The following LGSN variants were observed in gnomAD, a reference collection of about 807,000 sequenced individuals.
LGSN encodes the protein lengsin.
In LGSN, 21 loss-of-function variants were observed where a neutral mutation model predicts 19.5. That is an observed-to-expected ratio of 1.07 (90% confidence interval 0.76 to 1.55). The LOEUF (loss-of-function observed/expected upper bound fraction) is 1.55, where lower values mean the gene tolerates loss of function less well. Ranked by LOEUF, LGSN falls within the 40% of genes most tolerant of loss-of-function variation. The pLI, the probability that LGSN is intolerant of heterozygous loss-of-function variation, is 0.00. For missense variants in LGSN, 673 were observed against 608.5 expected (o/e 1.11, Z -1.12); for synonymous variants, 257 against 215.6 (o/e 1.19, Z -1.68).
At chr6:63,482,841 T>C in the LGSN span, among the ~76,000 whole-genome samples, 2 of 152,178 alleles carry the variant, frequency 1.3e-5, no homozygotes, top group Non-Finnish European at 2.9e-5. Context: ...GCTGGGACTA[T>C]AGGCGCGCAC....
chr6:63,543,878 T>C, the LGSN span, among the ~76,000 whole-genome samples: 1 of 152,250 alleles, frequency 6.6e-6, no homozygotes, highest in Non-Finnish European at 1.5e-5. Flanking sequence ...TTACTCTTCG[T>C]GTTTATTTGT....
At chr6:63,546,601 G>A in the LGSN span, among the ~76,000 whole-genome samples, 1 of 152,078 alleles carries the variant, frequency 6.6e-6, no homozygotes. Context: ...AGCTACTTGG[G>A]AGGCTGAGGC....
At chr6:63,527,728 T>C in the LGSN span, 1 of 152,172 alleles carries the variant, frequency 6.6e-6, no homozygotes, top group Non-Finnish European at 1.5e-5. Context: ...CTCTTTCACA[T>C]ACATTGCATG....
At chr6:63,313,281 G>A (rs1237335609) in intron 1 of LGSN, among the ~76,000 whole-genome samples, 1 of 152,112 alleles carries the variant, frequency 6.6e-6, no homozygotes, top group African/African-American at 2.4e-5. Flanking sequence ...TGCAACCCAA[G>A]TCACTGGAGG....
chr6:63,424,642 G>C, the LGSN span, among the ~76,000 whole-genome samples: 2 of 152,060 alleles, frequency 1.3e-5, no homozygotes, highest in African/African-American at 4.8e-5. Flanking sequence ...ACCAGTAAAA[G>C]CCAGGCACAG....
chr6:63,422,102 C>T, the LGSN span, among the ~76,000 whole-genome samples: 12 of 152,110 alleles, frequency 7.9e-5, no homozygotes, highest in Admixed American at 3.9e-4. Flanking sequence ...CTCTGTCTGT[C>T]GCCCAGGCTG....
At chr6:63,504,241 A>G in the LGSN span, among the ~76,000 whole-genome samples, 1 of 110,310 alleles carries the variant, frequency 9.1e-6, no homozygotes, top group Non-Finnish European at 1.7e-5. Flanking sequence ...GGTTCAAGCG[A>G]TTCTTTTTTT....
the LGSN span, chr6:63,549,041 C>T: frequency 1.4e-6 from 1 of 725,886 alleles, no homozygotes; most frequent in Admixed American, 1.9e-5. Flanking sequence ...CGTGTGCAAT[C>T]ACCACCGGCT....
chr6:63,472,854 T>C, the LGSN span, among the ~76,000 whole-genome samples: 1 of 151,864 alleles, frequency 6.6e-6, no homozygotes, highest in Non-Finnish European at 1.5e-5. Flanking sequence ...GGCAGGAGAA[T>C]GGCATGAACC....
intron 1 of LGSN, among the ~76,000 whole-genome samples, chr6:63,319,631 G>A (rs1769010974): frequency 6.6e-6 from 1 of 152,084 alleles, no homozygotes; most frequent in African/African-American, 2.4e-5. Context: ...TTTTTTTATA[G>A]CATACTTATG....
chr6:63,412,546 G>GAA, the LGSN span, among the ~76,000 whole-genome samples: 1 of 117,802 alleles, frequency 8.5e-6, no homozygotes. Flanking sequence ...AAGAAAGAAA[G>GAA]AAAGAAAGAA....
chr6:63,360,267 G>A, the LGSN span, among the ~76,000 whole-genome samples: 29 of 152,288 alleles, frequency 1.9e-4, no homozygotes, highest in Admixed American at 1.7e-3. Flanking sequence ...TTTCAACTTG[G>A]TTCCATTCTC....
chr6:63,437,144 A>G, the LGSN span, among the ~76,000 whole-genome samples: 2 of 98,734 alleles, frequency 2.0e-5, no homozygotes, highest in Non-Finnish European at 2.2e-5. Context: ...GAAAGGAGAA[A>G]GAAAGAGAGA....
the LGSN span, among the ~76,000 whole-genome samples, chr6:63,352,612 G>A: frequency 6.6e-6 from 1 of 151,290 alleles, no homozygotes; most frequent in Non-Finnish European, 1.5e-5. Flanking sequence ...ACTGAGCCAT[G>A]ATCACACCAC....
intron 1 of LGSN, among the ~76,000 whole-genome samples, chr6:63,317,413 C>T (rs929771360): frequency 2.0e-5 from 3 of 152,268 alleles, no homozygotes; most frequent in African/African-American, 4.8e-5. Flanking sequence ...TCAGGAAGTG[C>T]GAGCTTAATC....
the LGSN span, among the ~76,000 whole-genome samples, chr6:63,438,540 C>A: frequency 6.6e-6 from 1 of 151,892 alleles, no homozygotes; most frequent in Non-Finnish European, 1.5e-5. Flanking sequence ...AAAAAGTGGG[C>A]GAAGGACATG....
the LGSN span, among the ~76,000 whole-genome samples, chr6:63,326,435 C>T: frequency 1.3e-5 from 2 of 152,226 alleles, no homozygotes; most frequent in Non-Finnish European, 2.9e-5. Flanking sequence ...CTGCCAGTCC[C>T]GTGCCATGCA....
chr6:63,397,215 C>T, the LGSN span: 1 of 152,232 alleles, frequency 6.6e-6, no homozygotes, highest in South Asian at 2.1e-4. Flanking sequence ...ATCTGTCCAG[C>T]TCTGTGTCTT....
the LGSN span, among the ~76,000 whole-genome samples, chr6:63,446,230 C>G: frequency 0.018 from 2,144 of 122,246 alleles, 68 homozygotes; most frequent in African/African-American, 0.066. Context: ...GCCTGGGCGA[C>G]GAGACTGTGT....
Sources: allele counts gnomAD v4.1 joint callset (sites outside exome capture counted in the v4.1 genomes callset), GRCh38; gene constraint gnomAD v4.1.1; transcripts MANE v1.5; gene names NCBI Gene and HGNC (gene_info 2026-07-23, HGNC 2026-07-21).